The following CYTH4 variants were observed in gnomAD, a reference collection of about 807,000 sequenced individuals.
CYTH4 encodes cytohesin 4.
CYTH4 carries 22 observed loss-of-function variants against 57.5 expected under a neutral mutation model. That is an observed-to-expected ratio of 0.38 (90% CI 0.27 to 0.55). CYTH4 has a LOEUF of 0.55. Ranked by LOEUF, CYTH4 falls within the 20% of genes least tolerant of loss-of-function variation. The probability of loss-of-function intolerance (pLI) is 0.74; values close to 1 mark genes in which losing one functional copy is unlikely to be tolerated. For synonymous variants in CYTH4, 186 were observed against 206.5 expected (o/e 0.90, Z 0.85); for missense variants, 420 against 535.6 (o/e 0.78, Z 2.13).
At chr22:37,292,334 C>T in intron 1 of CYTH4, 1 of 413,106 alleles carries the variant, frequency 2.4e-6, no homozygotes, top group South Asian at 4.1e-5. Flanking sequence ...AACAACTGAA[C>T]TCTCATGGAG....
chr22:37,283,195 GGGA>G (rs1174836487), intron 1 of CYTH4, among the ~76,000 whole-genome samples: 2 of 151,550 alleles, frequency 1.3e-5, no homozygotes, highest in Non-Finnish European at 2.9e-5. Flanking sequence ...CTAGAGCCAG[GGGA>G]GGGCCAGGAG....
In CYTH4 at chr22:37,297,682, G is replaced by T; in HGVS notation, c.353G>T (p.Arg118Met). The T allele has an allele frequency of 6.2e-7, 1 of 1,612,842 alleles. No homozygotes were observed. The highest frequency in any genetic ancestry group is 1.1e-5 in the South Asian group (1 of 91,034). Residue 118 changes from arginine (R) to methionine (M), a missense_variant and splice_region_variant, in exon 5 of 13, where the codon AGG becomes ATG. Physicochemically the swap from Arg to Met is moderately conservative, Grantham distance 91. Coordinates refer to ENST00000248901, the MANE Select transcript of CYTH4 (RefSeq NM_013385.5). ...GCCATTGGTACCTACCTGGGGGAGA[G>T]GTAAGAACGAGTGGAGCCTTAGCGA... ...KTAIGTYLGE[R>M]DPINLQVLQA...
chr22:37,283,836 G>A (rs1928453326), intron 1 of CYTH4, among the ~76,000 whole-genome samples: 1 of 152,064 alleles, frequency 6.6e-6, no homozygotes, highest in South Asian at 2.1e-4. Flanking sequence ...CCCAGCGAAG[G>A]GCAGCACCTG....
In CYTH4 at chr22:37,315,164, C is replaced by T. The variant is rs1929813091; in HGVS notation, c.*1653C>T. 1 of 152,314 alleles carries T rather than the reference C, an allele frequency of 6.6e-6. No homozygotes were observed. 9.4% of individuals were successfully genotyped at this position (152,314 alleles called of 1,614,324 possible). ...GTGGAAGGAGCACTGGGCTAGGGGT[C>T]AGGGGTCAGAGATTCTGTCCTGCTC... On this transcript the variant is annotated 3_prime_UTR_variant, in exon 13 of 13. Transcript: ENST00000248901.
In CYTH4 at chr22:37,314,434, A is replaced by G; in HGVS notation, c.*923A>G. On this transcript the variant is annotated 3_prime_UTR_variant, in exon 13 of 13. Transcript: ENST00000248901. ...GATGGGTGCTATATCCAAGAAGCCA[A>G]GAAGGGAGAGTTTCGTGCACTGTGG... 2.5e-6 allele frequency: 1 copy of G among 398,748 alleles called. No individual in the cohort carries two copies. Among genetic ancestry groups the G allele is most frequent in the Non-Finnish European group, 4.4e-6 (1 of 226,126 alleles). 24.7% of individuals were successfully genotyped at this position (398,748 alleles called of 1,614,324 possible). A position where few individuals can be genotyped will look rare whatever the true frequency, so the allele number is the denominator to read the frequency against.
intron 1 of CYTH4, chr22:37,292,413 G>T: frequency 3.6e-6 from 2 of 560,430 alleles, no homozygotes; most frequent in Non-Finnish European, 6.4e-6. Flanking sequence ...GTCTATCCAG[G>T]GGGGTGGGAG....
intron 1 of CYTH4, among the ~76,000 whole-genome samples, chr22:37,284,703 T>C (rs1601694094): frequency 6.6e-6 from 1 of 152,254 alleles, no homozygotes; most frequent in East Asian, 1.9e-4. Flanking sequence ...CTTCCTTCTA[T>C]GGGCCTCAGT....
chr22:37,286,311 G>A (rs1439794621), intron 1 of CYTH4, among the ~76,000 whole-genome samples: 1 of 152,196 alleles, frequency 6.6e-6, no homozygotes, highest in Non-Finnish European at 1.5e-5. Context: ...CCCTCCAGCT[G>A]TGTCACCTTT....
At chr22:37,286,560 G>GC (rs1928568829) in intron 1 of CYTH4, among the ~76,000 whole-genome samples, 1 of 152,176 alleles carries the variant, frequency 6.6e-6, no homozygotes, top group South Asian at 2.1e-4. Context: ...AGGGGTGGGG[G>GC]CAGGGATGGC....
rs1257149990 is a variant in CYTH4, at chr22:37,311,514, A to T, written c.944A>T (p.Asp315Val). 1 of 1,613,618 alleles carries T rather than the reference A, an allele frequency of 6.2e-7. No homozygotes were observed. The highest frequency in any genetic ancestry group is 8.5e-7 in the Non-Finnish European group (1 of 1,179,934). ...AACCTCTCGGTGCAGAAGGTGGATG[A>T]CCCCAAGAAGCCAGTAGGTGTTCAG... ...LENLSVQKVDDPKKPFCLELY... is the reference protein window; with the variant it reads ...LENLSVQKVDVPKKPFCLELY... Residue 315 changes from aspartate (D) to valine (V), a missense_variant, in exon 11 of 13, where the codon GAC becomes GTC. Transcript: ENST00000248901. This position sits in a 1 kb window ranked among gnomAD's most constrained non-coding sequence, Gnocchi z 4.4.
intron 1 of CYTH4, among the ~76,000 whole-genome samples, chr22:37,284,220 T>C (rs2145851360): frequency 6.6e-6 from 1 of 152,254 alleles, no homozygotes; most frequent in South Asian, 2.1e-4. Flanking sequence ...ATCGAGTAGT[T>C]GGTCTTTTCA....
rs56298536 is a variant in CYTH4 at position 37,314,694 on chromosome 22, G to A, written c.*1183G>A. ...CCAGCTCTGTCTCCAGGGAGGCCTG[G>A]CCTGGAGGAGGAGTCCACTAACAGG... On this transcript the variant is annotated 3_prime_UTR_variant, in exon 13 of 13. Transcript: ENST00000248901. 15,358 of 344,376 alleles carry A rather than the reference G, an allele frequency of 0.045. 437 individuals carry two copies. Among genetic ancestry groups the A allele is most frequent in the Non-Finnish European group, 0.058 (11,198 of 192,068 alleles). 21.3% of individuals were successfully genotyped at this position (344,376 alleles called of 1,614,324 possible).
At chr22:37,300,246 A>G (rs1929130790) in intron 6 of CYTH4, 1 of 716,822 alleles carries the variant, frequency 1.4e-6, no homozygotes, top group Non-Finnish European at 2.6e-6. Context: ...AGTGTTCTCT[A>G]ACTCCCAGCT....
Position 37,295,382 on chromosome 22 carries a change from A to C in CYTH4, c.168-617A>C, listed in dbSNP as rs73887104. On this transcript the variant is annotated intron_variant, in intron 3 of 12. Coordinates refer to ENST00000248901, the MANE Select transcript of CYTH4 (RefSeq NM_013385.5). This position sits in a 1 kb window ranked among gnomAD's most constrained non-coding sequence, Gnocchi z 4.1. ...CCCCTCCCCCACCACACACATGCAC[A>C]CACACACACGCATGCACACACACAC... Among the ~76,000 whole-genome samples the C allele has an allele frequency of 4.4e-4, 65 of 149,060 alleles. No homozygotes were observed. Among genetic ancestry groups the C allele is most frequent in the African/African-American group, 1.6e-3 (63 of 38,970 alleles).
At position 37,297,606 on chromosome 22, in the gene CYTH4, G is replaced by C; in HGVS notation, c.277G>C (p.Val93Leu). Residue 93 changes from valine (V) to leucine (L), a missense_variant, in exon 5 of 13, where the codon GTC (valine) becomes CTC (leucine). Coordinates refer to ENST00000248901, the MANE Select transcript of CYTH4 (RefSeq NM_013385.5). ...TGAGCACAAGCTGCTGACCCCTGAC[G>C]TCCAGGACATTGCACGGTTCCTGTA... ...FIEHKLLTPD[V>L]QDIARFLYKG... is the part of the protein sequence containing the mutation. 6.2e-7 allele frequency: 1 copy of C among 1,613,902 alleles called. No homozygotes were observed. The highest frequency in any genetic ancestry group is 1.1e-5 in the South Asian group (1 of 91,066).
chr22:37,308,438 ATGTG>A (rs1400299164), intron 8 of CYTH4, among the ~76,000 whole-genome samples: 2 of 151,208 alleles, frequency 1.3e-5, no homozygotes, highest in Non-Finnish European at 2.9e-5. Context: ...GCAAGCGTGC[ATGTG>A]TGTGAGTGTG....
intron 8 of CYTH4, among the ~76,000 whole-genome samples, chr22:37,308,513 C>T (rs189277528): frequency 1.5e-4 from 22 of 150,258 alleles, no homozygotes; most frequent in African/African-American, 2.7e-4. Context: ...TATGTGTGAG[C>T]GTGTGTATAT....
chr22:37,285,246 C>A (rs958993331), intron 1 of CYTH4, among the ~76,000 whole-genome samples: 5 of 152,232 alleles, frequency 3.3e-5, no homozygotes, highest in Admixed American at 3.3e-4. Context: ...ATTCACCAGC[C>A]TGGGCGCAAG....
At chr22:37,309,077 C>G (rs2145870209) in intron 8 of CYTH4, 135 bp from the exon 9 acceptor site, 1 of 682,490 alleles carries the variant, frequency 1.5e-6, no homozygotes, top group Non-Finnish European at 2.4e-6. Flanking sequence ...AGCCCAGGGA[C>G]CACGATAAAC....
Sources: allele counts gnomAD v4.1 joint callset (sites outside exome capture counted in the v4.1 genomes callset), GRCh38; gene constraint gnomAD v4.1.1; non-coding constraint Gnocchi (gnomAD v3.1); transcripts MANE v1.5; gene names NCBI Gene and HGNC (gene_info 2026-07-23, HGNC 2026-07-21).